The following ST8SIA5 variants were observed in gnomAD, a reference collection of about 807,000 sequenced individuals.
ST8SIA5 encodes alpha-2,8-sialyltransferase 8E.
In ST8SIA5, 24 loss-of-function variants were observed where a neutral mutation model predicts 40.2. The ratio of observed to expected loss-of-function variants is 0.60; its 90% CI spans 0.43 to 0.84. The LOEUF is 0.84. Ranked by LOEUF, ST8SIA5 falls within the 40% of genes least tolerant of loss-of-function variation. The pLI is 0.00. For missense variants in ST8SIA5, 465 were observed against 498.5 expected (o/e 0.93, Z 0.64); for synonymous variants, 198 against 201.8 (o/e 0.98, Z 0.16).
intron 2 of ST8SIA5, among the ~76,000 whole-genome samples, chr18:46,703,474 G>A (rs1254322023): frequency 6.6e-6 from 1 of 152,158 alleles, no homozygotes; most frequent in African/African-American, 2.4e-5. Flanking sequence ...CATTTTCAAA[G>A]GTAAGGAAAG....
chr18:46,720,622 T>C (rs1035081643), intron 1 of ST8SIA5, among the ~76,000 whole-genome samples: 1 of 152,120 alleles, frequency 6.6e-6, no homozygotes, highest in Non-Finnish European at 1.5e-5. Flanking sequence ...ACGTGAGAGT[T>C]ACCCCCTCCT....
intron 2 of ST8SIA5, among the ~76,000 whole-genome samples, 166 bp downstream of exon 2, chr18:46,704,406 G>A: frequency 6.6e-6 from 1 of 152,170 alleles, no homozygotes; most frequent in Middle Eastern, 3.4e-3. Context: ...AGCCCTCCAG[G>A]GCTTTCCGAA....
chr18:46,679,556 T>G lies in ST8SIA5; in HGVS notation c.*486A>C, dbSNP rs1484456252. ...TTAGATAGCAATTCATAGCTAAGTC[T>G]TCGATATAAAACACAGGAACCAAAA... is the stretch of plus-strand genomic sequence containing the variant. On this transcript the variant is annotated 3_prime_UTR_variant, in exon 7 of 7. Transcript: ENST00000315087. 6.0e-6 allele frequency: 1 copy of G among 165,376 alleles called. No individual in the cohort carries two copies. The highest frequency in any genetic ancestry group is 5.5e-5 in the Admixed American group (1 of 18,056). 10.2% of individuals were successfully genotyped at this position (165,376 alleles called of 1,614,324 possible).
At chr18:46,726,470 T>C (rs2039931020) in intron 1 of ST8SIA5, among the ~76,000 whole-genome samples, 1 of 152,056 alleles carries the variant, frequency 6.6e-6, no homozygotes, top group South Asian at 2.1e-4. Flanking sequence ...TATGTCTAAT[T>C]TATTTTTTCA....
intron 1 of ST8SIA5, among the ~76,000 whole-genome samples, chr18:46,712,076 C>T (rs925186491): frequency 6.6e-6 from 1 of 152,190 alleles, no homozygotes. Context: ...CTTCATTCCT[C>T]CTTCCCCACC....
In ST8SIA5 at chr18:46,742,638, T is replaced by C. The variant is rs146444052; in HGVS notation, c.131+13740A>G. Among the ~76,000 whole-genome samples, 4 of 152,374 alleles carry C rather than the reference T, an allele frequency of 2.6e-5. No homozygotes were observed. The East Asian group carries it at 7.7e-4, about 29-fold the overall frequency. On this transcript the variant is annotated intron_variant, in intron 1 of 6. Transcript: ENST00000315087. ...CAAAGGGACCTCTGTGGGCAGGGCA[T>C]AGCTGAACAAAAGGCAGCAGAAACT...
rs753187161 is a variant in ST8SIA5 at position 46,692,156 on chromosome 18, G to A, written c.311+13C>T. 28 of 1,613,572 alleles carry A rather than the reference G, an allele frequency of 1.7e-5. No individual in the cohort carries two copies. The highest frequency in any genetic ancestry group is 1.7e-4 in the Admixed American group (10 of 60,002). ...CATACAAGGAGAAGGGAGGACAGAC[G>A]AATCATAGATACTTGAACTGGTTGG... On this transcript the variant is annotated intron_variant, in intron 3 of 6. Coordinates refer to ENST00000315087, the MANE Select transcript of ST8SIA5 (RefSeq NM_013305.6).
At chr18:46,685,739 C>A (rs1031153852) in intron 5 of ST8SIA5, 8 of 171,118 alleles carry the variant, frequency 4.7e-5, no homozygotes, top group African/African-American at 1.9e-4. Context: ...GGGGGCTTTA[C>A]GGAAGGAAGA....
Position 46,679,935 on chromosome 18 carries a change from A to T in ST8SIA5, c.*107T>A. ...AGAGCTGAACAATGGAGGGAGAGAC[A>T]GCCTGAACGCCAGGACCCCACGCTG... On this transcript the variant is annotated 3_prime_UTR_variant, in exon 7 of 7. Coordinates refer to ENST00000315087, the MANE Select transcript of ST8SIA5 (RefSeq NM_013305.6). 1 of 1,059,364 alleles carries T rather than the reference A, an allele frequency of 9.4e-7. No individual in the cohort carries two copies. Among genetic ancestry groups the T allele is most frequent in the Non-Finnish European group, 1.3e-6 (1 of 748,182 alleles). 65.6% of individuals were successfully genotyped at this position (1,059,364 alleles called of 1,614,324 possible). A position where few individuals can be genotyped will look rare whatever the true frequency, so the allele number is the denominator to read the frequency against.
chr18:46,721,859 C>T (rs151266927), intron 1 of ST8SIA5, among the ~76,000 whole-genome samples: 1,915 of 152,358 alleles, frequency 0.013, 23 homozygotes, highest in Non-Finnish European at 0.021. Flanking sequence ...AAGCCAGACA[C>T]ACTTCAGAGC....
rs2039446553 is a variant in ST8SIA5 at position 46,686,272 on chromosome 18, G to T, written c.471C>A (p.Tyr157Ter). The T allele has an allele frequency of 6.2e-7, 1 of 1,614,004 alleles. No individual in the cohort carries two copies. Among genetic ancestry groups the T allele is most frequent in the African/African-American group, 1.3e-5 (1 of 74,906 alleles). Residue 157 changes from tyrosine to a stop codon, truncating the protein, a stop_gained, in exon 5 of 7, where the codon TAC becomes TAA. Coordinates refer to ENST00000315087, the MANE Select transcript of ST8SIA5 (RefSeq NM_013305.6). LOFTEE classifies it high-confidence loss of function. ...FRMFPKDMPYYRSQFKKCAVV... is the reference protein window; with the variant it reads ...FRMFPKDMPY The stretch of plus-strand genomic sequence containing the variant: ...CAGCACACTTCTTAAACTGGGACCG[G>T]TAGTAGGGCATGTCCTGGGGGAGGC...
intron 1 of ST8SIA5, among the ~76,000 whole-genome samples, chr18:46,729,826 A>G (rs2039969089): frequency 6.6e-6 from 1 of 151,358 alleles, no homozygotes; most frequent in Non-Finnish European, 1.5e-5. Flanking sequence ...TCCGGTTTTA[A>G]CTGTTATTTG....
At chr18:46,736,908 A>C (rs9675549) in intron 1 of ST8SIA5, among the ~76,000 whole-genome samples, 121,387 of 151,772 alleles carry the variant, frequency 0.8, 48,724 homozygotes, top group East Asian at 0.85. Context: ...CTCCACCCAC[A>C]CAGTCCAGGG....
At chr18:46,693,159 T>C (rs1046375094) in intron 2 of ST8SIA5, among the ~76,000 whole-genome samples, 1 of 151,396 alleles carries the variant, frequency 6.6e-6, no homozygotes, top group Non-Finnish European at 1.5e-5. Flanking sequence ...CTGCGTGTCC[T>C]ACTGTACCTG....
chr18:46,749,738 G>C (rs1371141960), intron 1 of ST8SIA5, among the ~76,000 whole-genome samples: 2 of 152,158 alleles, frequency 1.3e-5, no homozygotes, highest in South Asian at 2.1e-4. Context: ...TATATAGCTA[G>C]ACATGAATTG....
chr18:46,750,864 C>T (rs114569928), intron 1 of ST8SIA5, among the ~76,000 whole-genome samples: 238 of 152,300 alleles, frequency 1.6e-3, no homozygotes, highest in African/African-American at 5.0e-3. Context: ...CATCCAATCC[C>T]ATTGCTCACA....
rs1359512250 is a variant in ST8SIA5, at chr18:46,672,012, T to A, written c.*8030A>T. On this transcript the variant is annotated 3_prime_UTR_variant, in exon 7 of 7. Transcript: ENST00000315087. ...CCAAATAACTCTGGGGCGGGGCCCA[T>A]AATCAAGGAGCTCTCCAAGAGATTC... 1 of 152,216 alleles carries A rather than the reference T, an allele frequency of 6.6e-6. No individual in the cohort carries two copies. Among genetic ancestry groups the A allele is most frequent in the African/African-American group, 2.4e-5 (1 of 41,452 alleles). The allele number at this position is 152,216 out of a possible 1,614,324, so 9.4% of individuals were successfully genotyped here. A position where few individuals can be genotyped will look rare whatever the true frequency, so the allele number is the denominator to read the frequency against.
chr18:46,726,582 A>T lies in ST8SIA5; in HGVS notation c.132-21918T>A, dbSNP rs543517488. On this transcript the variant is annotated intron_variant, in intron 1 of 6. Coordinates refer to ENST00000315087, the MANE Select transcript of ST8SIA5 (RefSeq NM_013305.6). ...GAATGTTTGTTATATTGTTCTCCAT[A>T]TTCTTTTGTAGTCTATAATTCCATA... Among the ~76,000 whole-genome samples the T allele has an allele frequency of 7.9e-5, 12 of 152,268 alleles. No homozygotes were observed. The South Asian group carries it at 2.5e-3, about 32-fold the overall frequency.
intron 1 of ST8SIA5, among the ~76,000 whole-genome samples, chr18:46,748,652 T>C (rs646651): frequency 0.73 from 109,499 of 150,590 alleles, 40,253 homozygotes; most frequent in Middle Eastern, 0.8. Context: ...ATGCTCCACA[T>C]CATTAGTCAT....
Sources: allele counts gnomAD v4.1 joint callset (sites outside exome capture counted in the v4.1 genomes callset), GRCh38; gene constraint gnomAD v4.1.1; transcripts MANE v1.5; gene names NCBI Gene and HGNC (gene_info 2026-07-23, HGNC 2026-07-21).